RNF157: variants seen among roughly 807,000 people sequenced by gnomAD.
RNF157 encodes E3 ubiquitin ligase RNF157.
In RNF157, 55 loss-of-function variants were observed where a neutral mutation model predicts 88.3. That is an observed-to-expected ratio of 0.62 (90% confidence interval 0.50 to 0.78). The LOEUF is 0.78. Among genes scored for constraint, RNF157 ranks in the 30% least tolerant of loss-of-function variants. The pLI is 0.00. For missense variants in RNF157, 788 were observed against 860.8 expected (o/e 0.92, Z 1.06); for synonymous variants, 334 against 341.2 (o/e 0.98, Z 0.23).
At chr17:76,233,735 G>A (rs1043938981) in intron 1 of RNF157, among the ~76,000 whole-genome samples, 2 of 152,018 alleles carry the variant, frequency 1.3e-5, no homozygotes, top group Non-Finnish European at 2.9e-5. Context: ...GTCTCACTCT[G>A]TTGCCCAGGC....
At chr17:76,156,674 AAAAGCATAC>A (rs1455725623) in intron 13 of RNF157, among the ~76,000 whole-genome samples, 1 of 152,218 alleles carries the variant, frequency 6.6e-6, no homozygotes, top group East Asian at 1.9e-4. Flanking sequence ...CTTCTGCGGC[AAAAGCATAC>A]AAAGCCAGCA....
At chr17:76,209,794 C>G (rs908357806) in intron 2 of RNF157, among the ~76,000 whole-genome samples, 3 of 152,180 alleles carry the variant, frequency 2.0e-5, no homozygotes, top group African/African-American at 7.2e-5. Context: ...GAGTCTCACT[C>G]TGTCGCCCAG....
chr17:76,195,214 C>T lies in RNF157; in HGVS notation c.207+17150G>A, dbSNP rs895423202. On this transcript the variant is annotated intron_variant, in intron 2 of 18. Coordinates refer to ENST00000269391, the MANE Select transcript of RNF157 (RefSeq NM_052916.3). The surrounding 1 kb of genome is among the most constrained non-coding windows in gnomAD (Gnocchi z 4.4). ...ATGGAGGTGTAGGTCCTCCTACAAG[C>T]GGGGTAGAGCAAGGCTGGAAACAGG... is the stretch of plus-strand genomic sequence containing the variant. Among the ~76,000 whole-genome samples the T allele has an allele frequency of 1.3e-5, 2 of 152,056 alleles. No homozygotes were observed. Among genetic ancestry groups the T allele is most frequent in the African/African-American group, 2.4e-5 (1 of 41,386 alleles).
In RNF157 at chr17:76,178,532, T is replaced by C. The variant is rs148048582; in HGVS notation, c.208-4742A>G. 8.0e-3 allele frequency among the ~76,000 whole-genome samples: 1,217 copies of C among 152,366 alleles called. 11 individuals carry two copies. Among genetic ancestry groups the C allele is most frequent in the African/African-American group, 0.027 (1,143 of 41,586 alleles). On this transcript the variant is annotated intron_variant, in intron 2 of 18. Transcript: ENST00000269391. ...CTGGTAGTGTGAGCTGAGTGCAGCCTGTCAGGCCAAGTGGGTGGAAGAAGC... is the reference window on the plus strand; with the variant it reads ...CTGGTAGTGTGAGCTGAGTGCAGCCCGTCAGGCCAAGTGGGTGGAAGAAGC...
intron 2 of RNF157, among the ~76,000 whole-genome samples, chr17:76,203,893 G>A (rs1278485110): frequency 6.6e-6 from 1 of 150,544 alleles, no homozygotes; most frequent in Non-Finnish European, 1.5e-5. Context: ...TCAGCCTCCT[G>A]AGTAGCTGGG....
chr17:76,167,858 TA>T (rs145409044), intron 3 of RNF157, 61 bp from the exon 4 acceptor site: 10 of 1,505,730 alleles, frequency 6.6e-6, no homozygotes, highest in African/African-American at 5.6e-5. Context: ...AATTTACCTT[TA>T]AAAAAATTAG....
intron 3 of RNF157, among the ~76,000 whole-genome samples, 160 bp downstream of exon 3, chr17:76,173,542 C>T (rs2069052829): frequency 6.6e-6 from 1 of 152,168 alleles, no homozygotes; most frequent in South Asian, 2.1e-4. Flanking sequence ...GGCCTGATCT[C>T]AGCAGAAAGT....
chr17:76,161,459 T>C lies in RNF157; in HGVS notation c.1065+76A>G. The C allele has an allele frequency of 9.0e-7, 1 of 1,108,268 alleles. No homozygotes were observed. Among genetic ancestry groups the C allele is most frequent in the Non-Finnish European group, 1.4e-6 (1 of 722,110 alleles). 68.7% of individuals were successfully genotyped at this position (1,108,268 alleles called of 1,614,324 possible). ...TCTAATTCCTTGCTGCAATGCCACG[T>C]AGAGAAGCATGAAAAGTTTAAAAAA... On this transcript the variant is annotated intron_variant, in intron 11 of 18. Transcript: ENST00000269391. This position sits in a 1 kb window ranked among gnomAD's most constrained non-coding sequence, Gnocchi z 4.6.
chr17:76,191,520 T>C (rs113889118), intron 2 of RNF157, among the ~76,000 whole-genome samples: 1 of 149,386 alleles, frequency 6.7e-6, no homozygotes, highest in Non-Finnish European at 1.5e-5. Flanking sequence ...GAGAATTGCT[T>C]GAACCCGGAG....
chr17:76,228,718 T>C (rs184338601), intron 1 of RNF157, among the ~76,000 whole-genome samples: 1 of 151,596 alleles, frequency 6.6e-6, no homozygotes, highest in Non-Finnish European at 1.5e-5. Context: ...AGGTCAGGAG[T>C]TCGAGACCAG....
rs2068546996 is a variant in RNF157, at chr17:76,143,783, CAG to C, written c.*1450_*1451del. 1 of 151,304 alleles carries C rather than the reference CAG, an allele frequency of 6.6e-6. No individual in the cohort carries two copies. The highest frequency in any genetic ancestry group is 1.5e-5 in the Non-Finnish European group (1 of 67,884). 9.4% of individuals were successfully genotyped at this position (151,304 alleles called of 1,614,324 possible). Reference sequence around the variant, plus strand: ...TGAATTTTTTTTTTTTTGTTTGAGACAGAGTTTCGATCTTTTCAATCTTGTAG... The same window carrying C: ...TGAATTTTTTTTTTTTTGTTTGAGACAGTTTCGATCTTTTCAATCTTGTAG... On this transcript the variant is annotated 3_prime_UTR_variant, in exon 19 of 19. Coordinates refer to ENST00000269391, the MANE Select transcript of RNF157 (RefSeq NM_052916.3).
Position 76,180,907 on chromosome 17 carries a change from G to A in RNF157, c.208-7117C>T, listed in dbSNP as rs2069178265. Among the ~76,000 whole-genome samples, 4 of 152,302 alleles carry A rather than the reference G, an allele frequency of 2.6e-5. No homozygotes were observed. The South Asian group carries it at 8.3e-4, about 32-fold the overall frequency. ...CATTCTCGAAAGGAACAACATGCCT[G>A]CCCCTCTCACCAGCCTGTAAGTTCC... is the stretch of plus-strand genomic sequence containing the variant. On this transcript the variant is annotated intron_variant, in intron 2 of 18. Coordinates refer to ENST00000269391, the MANE Select transcript of RNF157 (RefSeq NM_052916.3).
chr17:76,210,410 G>GA (rs1003189242), intron 2 of RNF157, among the ~76,000 whole-genome samples: 4 of 151,544 alleles, frequency 2.6e-5, no homozygotes, highest in East Asian at 2.0e-4. Context: ...CTAACACAGT[G>GA]AAACCCCGTC....
In RNF157 at chr17:76,146,768, A is replaced by G. The variant is rs543740667; in HGVS notation, c.1922-1415T>C. 89 of 985,174 alleles carry G rather than the reference A, an allele frequency of 9.0e-5. No homozygotes were observed. The African/African-American group carries it at 1.5e-3, about 17-fold the overall frequency. The allele number at this position is 985,174 out of a possible 1,614,324, so 61.0% of individuals were successfully genotyped here. On this transcript the variant is annotated intron_variant, in intron 18 of 18. Coordinates refer to ENST00000269391, the MANE Select transcript of RNF157 (RefSeq NM_052916.3). This position sits in a 1 kb window ranked among gnomAD's most constrained non-coding sequence, Gnocchi z 4.2. The stretch of plus-strand genomic sequence containing the variant: ...CGTGACTTCTTCACTGTTGCAGTCC[A>G]GAGCCCAGCACAACACCTGACCCAT...
intron 16 of RNF157, 129 bp downstream of exon 16, chr17:76,155,123 C>G (rs2068742026): frequency 2.6e-6 from 2 of 764,864 alleles, no homozygotes. Context: ...TCTCACTGAT[C>G]TAGGCATGTC....
chr17:76,162,346 T>A (rs1389919067), intron 9 of RNF157, among the ~76,000 whole-genome samples: 1 of 152,146 alleles, frequency 6.6e-6, no homozygotes, highest in Non-Finnish European at 1.5e-5. Flanking sequence ...TGGACAGAGC[T>A]CTGTGGCAGA....
At chr17:76,209,658 TA>T (rs1405705718) in intron 2 of RNF157, among the ~76,000 whole-genome samples, 1 of 152,162 alleles carries the variant, frequency 6.6e-6, no homozygotes, top group Non-Finnish European at 1.5e-5. Context: ...AAAATTTTTT[TA>T]AAAATATATA....
At chr17:76,212,812 G>A (rs747552691) in intron 1 of RNF157, among the ~76,000 whole-genome samples, 52 of 152,266 alleles carry the variant, frequency 3.4e-4, no homozygotes, top group Non-Finnish European at 6.0e-4. Context: ...AGTGAGCCGA[G>A]ATCCTAGCAC....
chr17:76,224,642 T>C (rs1351634149), intron 1 of RNF157, among the ~76,000 whole-genome samples: 1 of 151,968 alleles, frequency 6.6e-6, no homozygotes, highest in Non-Finnish European at 1.5e-5. Context: ...TTGACTTCCC[T>C]TGGCCACACT....
Sources: allele counts gnomAD v4.1 joint callset (sites outside exome capture counted in the v4.1 genomes callset), GRCh38; gene constraint gnomAD v4.1.1; non-coding constraint Gnocchi (gnomAD v3.1); transcripts MANE v1.5; gene names NCBI Gene and HGNC (gene_info 2026-07-23, HGNC 2026-07-21).